The following KIAA0319 variants were observed in gnomAD, a reference collection of about 807,000 sequenced individuals.
KIAA0319 encodes KIAA0319.
Under a neutral mutation model 108.4 loss-of-function variants are expected in KIAA0319, and 83 were observed. That is an observed-to-expected ratio of 0.77 (90% CI 0.64 to 0.92). The LOEUF is 0.92. Ranked by LOEUF, KIAA0319 falls within the 40% of genes least tolerant of loss-of-function variation. The pLI is 0.00. For missense variants in KIAA0319, 1,195 were observed against 1,322.4 expected, an observed-to-expected ratio of 0.90 and a Z score of 1.49; for synonymous variants, 484 against 510.4, an observed-to-expected ratio of 0.95 and a Z score of 0.70.
At chr6:24,577,269 C>T (rs887168698) in intron 9 of KIAA0319, among the ~76,000 whole-genome samples, 2 of 152,182 alleles carry the variant, frequency 1.3e-5, no homozygotes, top group African/African-American at 2.4e-5. Context: ...GTTCTGCCTG[C>T]AGGTTGAGCA....
At chr6:24,548,642 G>A (rs574719843) in intron 20 of KIAA0319, among the ~76,000 whole-genome samples, 7 of 152,144 alleles carry the variant, frequency 4.6e-5, no homozygotes, top group African/African-American at 1.2e-4. Context: ...ACAAGAGGAC[G>A]GGGAAGGTCA....
intron 7 of KIAA0319, among the ~76,000 whole-genome samples, chr6:24,580,317 C>A (rs944395757): frequency 4.1e-5 from 6 of 145,488 alleles, no homozygotes; most frequent in South Asian, 4.9e-4. Context: ...CAACTCCCCC[C>A]CCCACCCCCC....
intron 1 of KIAA0319, among the ~76,000 whole-genome samples, chr6:24,617,943 C>A (rs1015403924): frequency 6.6e-6 from 1 of 152,102 alleles, no homozygotes; most frequent in African/African-American, 2.4e-5. Flanking sequence ...GCCGAGATTG[C>A]GCCATTGCAC....
rs5874990 is a variant in KIAA0319 at position 24,551,145 on chromosome 6, A to ATT, written c.3040+287_3040+288dup. Among the ~76,000 whole-genome samples the ATT allele has an allele frequency of 1.3e-3, 196 of 145,754 alleles. 1 individual carries two copies. Among genetic ancestry groups the ATT allele is most frequent in the South Asian group, 4.0e-3 (18 of 4,540 alleles). On this transcript the variant is annotated intron_variant, in intron 20 of 20. Transcript: ENST00000378214. ...AGGCGCACACCACCACGCCCGGCTA[A>ATT]TTTTTTTTTTTTTTGTATTTTTTAG...
chr6:24,618,770 A>T (rs562177852), intron 1 of KIAA0319, among the ~76,000 whole-genome samples: 16 of 141,322 alleles, frequency 1.1e-4, no homozygotes, highest in African/African-American at 3.1e-4. Context: ...TGAAATGTTT[A>T]AAAAAAAAAA....
intron 1 of KIAA0319, among the ~76,000 whole-genome samples, chr6:24,639,795 C>T (rs1330432480): frequency 2.0e-5 from 3 of 147,336 alleles, no homozygotes; most frequent in African/African-American, 5.1e-5. Flanking sequence ...TGCAGTGAGC[C>T]GAGACCACAC....
chr6:24,570,034 T>C lies in KIAA0319; in HGVS notation c.1860A>G (p.Glu620=). Residue 620 remains glutamate (E), a splice_region_variant and synonymous_variant, in exon 12 of 21, where the codon GAA becomes GAG. Coordinates refer to ENST00000378214, the MANE Select transcript of KIAA0319 (RefSeq NM_014809.4). The part of the protein sequence containing the change: ...TAVVTVIVQP[E]NNRPPVAVAG... ...CCACAGCCACTGGAGGTCTATTGTT[T>C]TCTGGAATTACAGAAACAGTGTGAA... 5 of 1,613,516 alleles carry C rather than the reference T, an allele frequency of 3.1e-6. No individual in the cohort carries two copies. The highest frequency in any genetic ancestry group is 4.2e-6 in the Non-Finnish European group (5 of 1,179,794).
intron 1 of KIAA0319, among the ~76,000 whole-genome samples, chr6:24,631,258 C>A (rs576880139): frequency 6.6e-6 from 1 of 152,212 alleles, no homozygotes; most frequent in Non-Finnish European, 1.5e-5. Context: ...GCCAAGGCAG[C>A]CTTCAGCTTC....
Position 24,580,986 on chromosome 6 carries a change from C to T in KIAA0319, c.1219G>A (p.Val407Ile), listed in dbSNP as rs771990750. 2.4e-5 allele frequency: 38 copies of T among 1,612,246 alleles called. No individual in the cohort carries two copies. In the East Asian group the frequency reaches 6.9e-4, roughly 29 times the overall value. ...QLSVGLYVFK[V>I]TVSSENAFGE... Reference sequence around the variant, plus strand: ...AAGGCGTTTTCACTAGAAACAGTGACTTTGAAGACATAAAGTCCGACGGAC... The same window carrying T: ...AAGGCGTTTTCACTAGAAACAGTGATTTTGAAGACATAAAGTCCGACGGAC... The change falls in exon 7 of 21, where the codon GTC (valine) becomes ATC (isoleucine). Residue 407 changes from valine (V) to isoleucine (I), a missense_variant. Transcript: ENST00000378214.
chr6:24,618,976 T>C (rs1773535786), intron 1 of KIAA0319, among the ~76,000 whole-genome samples: 1 of 152,092 alleles, frequency 6.6e-6, no homozygotes, highest in Non-Finnish European at 1.5e-5. Flanking sequence ...TTAGGAGAGA[T>C]GAGGGAGTGA....
intron 11 of KIAA0319, among the ~76,000 whole-genome samples, chr6:24,572,357 G>A (rs1261614098): frequency 6.6e-6 from 1 of 152,150 alleles, no homozygotes; most frequent in Admixed American, 6.5e-5. Flanking sequence ...AAGGCAAATC[G>A]GAGCCCACAA....
chr6:24,563,475 A>G lies in KIAA0319; in HGVS notation c.2475T>C (p.Gly825=). The G allele has an allele frequency of 6.2e-7, 1 of 1,613,250 alleles. No individual in the cohort carries two copies. The change falls in exon 16 of 21, where the codon GGT becomes GGC. Residue 825 remains glycine, a synonymous_variant. Coordinates refer to ENST00000378214, the MANE Select transcript of KIAA0319 (RefSeq NM_014809.4). ...TCCGCTGCTCTGTCAGCTGCCCAAC[A>G]CCAACCTGCAGGGTCAGCTCCACCA... ...SGLVELTLQV[G]VGQLTEQRKD...
At chr6:24,566,966 G>A (rs1430606875) in intron 13 of KIAA0319, among the ~76,000 whole-genome samples, 1 of 152,088 alleles carries the variant, frequency 6.6e-6, no homozygotes, top group South Asian at 2.1e-4. Context: ...GGATGAAAAC[G>A]GTAAAGCAGG....
chr6:24,579,849 G>A lies in KIAA0319; in HGVS notation c.1372+9C>T, dbSNP rs1386432814. On this transcript the variant is annotated intron_variant, in intron 8 of 20. Coordinates refer to ENST00000378214, the MANE Select transcript of KIAA0319 (RefSeq NM_014809.4). ...AAAAGAAATCCCTAAACTATCTCAG[G>A]ATACACACGGCTGCCATCAATGAGG... 1.9e-6 allele frequency: 3 copies of A among 1,592,242 alleles called. No homozygotes were observed. In the African/African-American group the frequency reaches 4.0e-5, roughly 21 times the overall value.
intron 18 of KIAA0319, 138 bp downstream of exon 18, chr6:24,556,469 T>G: frequency 7.7e-6 from 7 of 910,020 alleles, no homozygotes; most frequent in East Asian, 5.4e-5. Context: ...GCCTGGCTTA[T>G]TTTGTTATTT....
intron 1 of KIAA0319, among the ~76,000 whole-genome samples, chr6:24,635,900 A>G (rs1256303619): frequency 6.6e-6 from 1 of 152,250 alleles, no homozygotes; most frequent in Non-Finnish European, 1.5e-5. Flanking sequence ...CTAATGCAAC[A>G]GGCAAGTGGG....
Position 24,576,566 on chromosome 6 carries a change from A to G in KIAA0319, c.1536T>C (p.Thr512=). The G allele has an allele frequency of 6.2e-7, 1 of 1,614,144 alleles. No individual in the cohort carries two copies. Among genetic ancestry groups the G allele is most frequent in the Non-Finnish European group, 8.5e-7 (1 of 1,180,008 alleles). ...CTATTAGGGCTGCAGTTGTAGAGTT[A>G]GTGGCTCCGTCCGAGTCTGTAACAG... is the stretch of plus-strand genomic sequence containing the variant. The part of the protein sequence containing the change: ...RLTVTDSDGA[T]NSTTAALIVN... Residue 512 remains threonine (T), a synonymous_variant, in exon 10 of 21, where the codon ACT becomes ACC. Transcript: ENST00000378214.
rs540197301 is a variant in KIAA0319, at chr6:24,589,448, C to T, written c.802-663G>A. 1.2e-4 allele frequency among the ~76,000 whole-genome samples: 18 copies of T among 152,296 alleles called. No homozygotes were observed. In the South Asian group the frequency reaches 3.5e-3, roughly 30 times the overall value. ...CTAGGCTTTGTGCCCCCACCCAAAT[C>T]TCATCTTGAATTATAATCCCCACGT... is the stretch of plus-strand genomic sequence containing the variant. On this transcript the variant is annotated intron_variant, in intron 3 of 20. Transcript: ENST00000378214.
intron 1 of KIAA0319, among the ~76,000 whole-genome samples, chr6:24,625,414 A>G (rs1179545090): frequency 6.6e-6 from 1 of 152,174 alleles, no homozygotes. Flanking sequence ...ATTCATTCTC[A>G]AATATTTATT....
Sources: allele counts gnomAD v4.1 joint callset (sites outside exome capture counted in the v4.1 genomes callset), GRCh38; gene constraint gnomAD v4.1.1; transcripts MANE v1.5; gene names NCBI Gene and HGNC (gene_info 2026-07-23, HGNC 2026-07-21).